Variants in MTCH2 observed in about 807,000 individuals in gnomAD.
MTCH2 encodes the protein mitochondrial carrier 2, also known as mitochondrial carrier homolog 2.
MTCH2 carries 25 observed loss-of-function variants against 50.6 expected under a neutral mutation model. The observed-to-expected ratio is 0.49, with a 90% CI of 0.36 to 0.69. The LOEUF is 0.69. Ranked by LOEUF, MTCH2 falls within the 30% of genes least tolerant of loss-of-function variation. The pLI, the probability that MTCH2 is intolerant of heterozygous loss-of-function variation, is 0.00. For synonymous variants in MTCH2, 106 were observed against 132.0 expected (o/e 0.80, Z 1.35); for missense variants, 273 against 384.4 (o/e 0.71, Z 2.42).
At position 47,642,495 on chromosome 11, in the gene MTCH2, G is replaced by A. The variant is rs1430454714; in HGVS notation, c.-30C>T. 6.6e-7 allele frequency: 1 copy of A among 1,508,294 alleles called. No homozygotes were observed. Among genetic ancestry groups the A allele is most frequent in the Non-Finnish European group, 8.8e-7 (1 of 1,131,390 alleles). 93.4% of individuals were successfully genotyped at this position (1,508,294 alleles called of 1,614,324 possible). On this transcript the variant is annotated 5_prime_UTR_variant, in exon 1 of 13. Transcript: ENST00000302503. ...GCACCCGCGGGCGGACGGACAGACAGACGGAGCCACCAAGCGACCCGGTGA... is the reference window on the plus strand; with the variant it reads ...GCACCCGCGGGCGGACGGACAGACAAACGGAGCCACCAAGCGACCCGGTGA...
chr11:47,626,211 T>C (rs1329955287), intron 10 of MTCH2, among the ~76,000 whole-genome samples: 2 of 152,032 alleles, frequency 1.3e-5, no homozygotes, highest in Non-Finnish European at 2.9e-5. Context: ...CATGCCCAGC[T>C]AATTTTGTAG....
intron 1 of MTCH2, among the ~76,000 whole-genome samples, chr11:47,641,130 G>A (rs1258793033): frequency 1.3e-5 from 2 of 152,044 alleles, no homozygotes; most frequent in Non-Finnish European, 2.9e-5. Flanking sequence ...CATCGACCTC[G>A]TGATCCGCTC....
chr11:47,619,756 C>CA (rs2097291482), intron 12 of MTCH2, among the ~76,000 whole-genome samples: 1 of 152,072 alleles, frequency 6.6e-6, no homozygotes, highest in African/African-American at 2.4e-5. Context: ...GCCTGCACAA[C>CA]ATGGCAAAAC....
chr11:47,639,023 A>G lies in MTCH2; in HGVS notation c.116T>C (p.Ile39Thr), dbSNP rs777653897. 3.9e-5 allele frequency: 62 copies of G among 1,602,190 alleles called. No homozygotes were observed. Among genetic ancestry groups the G allele is most frequent in the Non-Finnish European group, 1.1e-5 (13 of 1,175,730 alleles). ...QVGYEPLPPT[I>T]GRNIFGRQVC... ...TTGCCGCCCAAAAATATTTCGTCCTATTGTTGGAGGAAGAGGCTCATATCC... is the reference window on the plus strand; with the variant it reads ...TTGCCGCCCAAAAATATTTCGTCCTGTTGTTGGAGGAAGAGGCTCATATCC... Residue 39 changes from isoleucine (I) to threonine (T), a missense_variant, in exon 2 of 13, where the codon ATA becomes ACA. By Grantham distance (89) the Ile-to-Thr change is moderately conservative (BLOSUM62 -1). This residue lies in a region of MTCH2 where 203 missense variants were observed against 244.3 expected (regional missense o/e 0.83). Coordinates refer to ENST00000302503, the MANE Select transcript of MTCH2 (RefSeq NM_014342.4).
At chr11:47,607,963 C>T in the MTCH2 span, among the ~76,000 whole-genome samples, 3 of 152,234 alleles carry the variant, frequency 2.0e-5, no homozygotes, top group Non-Finnish European at 1.5e-5. Context: ...TCGTTAAAAT[C>T]TGTGCTCCGA....
chr11:47,614,857 C>T (rs1003242740), downstream of MTCH2, among the ~76,000 whole-genome samples: 4 of 151,990 alleles, frequency 2.6e-5, no homozygotes, highest in African/African-American at 4.8e-5. Flanking sequence ...GGATTACAGG[C>T]GTGAGCCACC....
the MTCH2 span, among the ~76,000 whole-genome samples, chr11:47,610,095 A>G: frequency 6.6e-6 from 1 of 152,206 alleles, no homozygotes; most frequent in Non-Finnish European, 1.5e-5. Flanking sequence ...GGGGATCCTC[A>G]AGGACATTCA....
At chr11:47,630,320 G>C (rs75716035) in intron 8 of MTCH2, among the ~76,000 whole-genome samples, 2,756 of 152,142 alleles carry the variant, frequency 0.018, 63 homozygotes, top group Admixed American at 0.065. Flanking sequence ...AATGTTTTAA[G>C]TATCTAGAAG....
chr11:47,637,944 T>C (rs2153800880), intron 3 of MTCH2, among the ~76,000 whole-genome samples: 1 of 152,302 alleles, frequency 6.6e-6, no homozygotes, highest in East Asian at 1.9e-4. Flanking sequence ...TTTCCTGAAT[T>C]TCATTTTAAT....
chr11:47,624,248 A>G (rs1224210927), intron 11 of MTCH2, among the ~76,000 whole-genome samples: 1 of 151,270 alleles, frequency 6.6e-6, no homozygotes, highest in Non-Finnish European at 1.5e-5. Flanking sequence ...AAAAAAAAAA[A>G]GGCAAAATTT....
intron 3 of MTCH2, among the ~76,000 whole-genome samples, chr11:47,638,042 C>T (rs1487639100): frequency 1.3e-5 from 2 of 152,100 alleles, no homozygotes; most frequent in Non-Finnish European, 2.9e-5. Flanking sequence ...GTACAAGCAG[C>T]TTTGGATGCT....
downstream of MTCH2, among the ~76,000 whole-genome samples, chr11:47,614,251 C>T (rs765331107): frequency 1.3e-5 from 2 of 151,994 alleles, no homozygotes; most frequent in Non-Finnish European, 2.9e-5. Context: ...TGAATTCAGC[C>T]CTGAAAATTC....
intron 12 of MTCH2, among the ~76,000 whole-genome samples, chr11:47,620,620 C>T (rs1385162143): frequency 6.6e-6 from 1 of 152,184 alleles, no homozygotes. Flanking sequence ...CACCACTGCA[C>T]ACCAGCCTGG....
intron 11 of MTCH2, among the ~76,000 whole-genome samples, chr11:47,624,860 G>A (rs1372125308): frequency 6.6e-6 from 1 of 152,220 alleles, no homozygotes; most frequent in Non-Finnish European, 1.5e-5. Context: ...GTCCGAGGTA[G>A]GCAGATCACC....
chr11:47,606,426 G>A, the MTCH2 span, among the ~76,000 whole-genome samples: 4 of 152,020 alleles, frequency 2.6e-5, no homozygotes, highest in East Asian at 1.9e-4. Flanking sequence ...AGTTTATCAC[G>A]GACTTCACCT....
intron 1 of MTCH2, among the ~76,000 whole-genome samples, chr11:47,640,165 C>T (rs1379306727): frequency 6.6e-6 from 1 of 151,914 alleles, no homozygotes; most frequent in Non-Finnish European, 1.5e-5. Flanking sequence ...CCTGTCTCTA[C>T]TAAAAACACA....
chr11:47,635,596 AT>A, intron 3 of MTCH2, 25 bp from the exon 4 acceptor site: 1 of 1,602,600 alleles, frequency 6.2e-7, no homozygotes. Context: ...AAAAAGGATG[AT>A]TAGGGTTATT....
chr11:47,616,013 C>T (rs2097288181), downstream of MTCH2, among the ~76,000 whole-genome samples: 2 of 152,118 alleles, frequency 1.3e-5, no homozygotes, highest in Admixed American at 1.3e-4. Context: ...GGCTGGAGTG[C>T]AATGGCACGA....
chr11:47,605,117 G>C, the MTCH2 span, among the ~76,000 whole-genome samples: 5 of 152,068 alleles, frequency 3.3e-5, no homozygotes, highest in Non-Finnish European at 7.4e-5. Flanking sequence ...ATTTTTAGTA[G>C]AGACAGAGTT....
Sources: allele counts gnomAD v4.1 joint callset (sites outside exome capture counted in the v4.1 genomes callset), GRCh38; gene constraint gnomAD v4.1.1; regional missense constraint gnomAD v4.1.1; transcripts MANE v1.5; gene names NCBI Gene and HGNC (gene_info 2026-07-23, HGNC 2026-07-21).